DHRS2: variants seen among roughly 807,000 people sequenced by gnomAD.
DHRS2 encodes dehydrogenase/reductase 2.
DHRS2 carries 29 observed loss-of-function variants against 26.3 expected under a neutral mutation model. That is an observed-to-expected ratio of 1.10 (90% CI 0.82 to 1.50). The LOEUF (loss-of-function observed/expected upper bound fraction) is 1.50, where lower values mean the gene tolerates loss of function less well. Among genes scored for constraint, DHRS2 ranks in the 40% most tolerant of loss-of-function variants. The probability of loss-of-function intolerance (pLI) is 0.00; values close to 1 mark genes in which losing one functional copy is unlikely to be tolerated. For missense variants in DHRS2, 439 were observed against 367.1 expected, an observed-to-expected ratio of 1.20 and a Z score of -1.60; for synonymous variants, 164 against 151.3, an observed-to-expected ratio of 1.08 and a Z score of -0.62.
In DHRS2 at chr14:23,644,516, A is replaced by G. The variant is rs548166479; in HGVS notation, c.648A>G (p.Gly216=). The G allele has an allele frequency of 1.9e-6, 3 of 1,614,218 alleles. No individual in the cohort carries two copies. Among genetic ancestry groups the G allele is most frequent in the African/African-American group, 2.7e-5 (2 of 75,048 alleles). Residue 216 remains glycine, a synonymous_variant, in exon 7 of 9, where the codon GGA becomes GGG. Coordinates refer to ENST00000250383, the MANE Select transcript of DHRS2 (RefSeq NM_005794.4). ...KDIRVNCVVP[G]IIKTDFSKVF... is the part of the protein sequence containing the mutation. ...TCCGGGTAAACTGCGTGGTTCCAGG[A>G]ATTATCAAAACTGACTTCAGCAAAG...
At chr14:23,639,920 G>C in intron 4 of DHRS2, 25 bp downstream of exon 4, 2 of 1,535,536 alleles carry the variant, frequency 1.3e-6, no homozygotes, top group Non-Finnish European at 1.8e-6. Context: ...CTGGGGAGGC[G>C]GCTGAGGGCC....
chr14:23,645,474 T>C lies in DHRS2; in HGVS notation c.*221T>C. On this transcript the variant is annotated 3_prime_UTR_variant, in exon 9 of 9. Coordinates refer to ENST00000250383, the MANE Select transcript of DHRS2 (RefSeq NM_005794.4). ...CTGATCCAATTAACATGTGGGGTTC[T>C]TGGTGTGGGTCTGGGGAGCTGAAGG... The C allele has an allele frequency of 1.1e-6, 1 of 897,946 alleles. No homozygotes were observed. The highest frequency in any genetic ancestry group is 1.8e-5 in the South Asian group (1 of 54,374). 55.6% of individuals were successfully genotyped at this position (897,946 alleles called of 1,614,324 possible).
At chr14:23,633,172 C>A (rs145718173), upstream of DHRS2, among the ~76,000 whole-genome samples, 19 of 152,336 alleles carry the variant, frequency 1.2e-4, no homozygotes, top group Non-Finnish European at 2.6e-4. Context: ...TCTCCCATGC[C>A]AGATCCTCTC....
upstream of DHRS2, among the ~76,000 whole-genome samples, chr14:23,635,992 C>T (rs1566696987): frequency 6.6e-6 from 1 of 151,960 alleles, no homozygotes; most frequent in South Asian, 2.1e-4. Flanking sequence ...GCTTCTGGGT[C>T]CGGTGGGGAC....
At position 23,639,797 on chromosome 14, in the gene DHRS2, C is replaced by G; in HGVS notation, c.322C>G (p.Leu108Val). The change falls in exon 4 of 9, where the codon CTG (leucine) becomes GTG (valine). Residue 108 changes from leucine to valine, a missense_variant. By Grantham distance (32) the Leu-to-Val change is conservative (BLOSUM62 1). Coordinates refer to ENST00000250383, the MANE Select transcript of DHRS2 (RefSeq NM_005794.4). ...EDREQLVAKA[L>V]EHCGGVDFLV... is the part of the protein sequence containing the mutation. ...TCATCCAATCTCCTCTCCGCAGGCC[C>G]TGGAGCACTGTGGGGGCGTCGACTT... is the stretch of plus-strand genomic sequence containing the variant. 1.9e-6 allele frequency: 3 copies of G among 1,607,598 alleles called. No homozygotes were observed. The highest frequency in any genetic ancestry group is 1.7e-6 in the Non-Finnish European group (2 of 1,176,612).
rs61747975 is a variant in DHRS2, at chr14:23,639,847, C to T, written c.372C>T (p.Asn124=). The T allele has an allele frequency of 1.9e-6, 3 of 1,610,568 alleles. No homozygotes were observed. Among genetic ancestry groups the T allele is most frequent in the South Asian group, 1.1e-5 (1 of 90,600 alleles). ...VDFLVCSAGV[N]PLVGSTLGTS... is the part of the protein sequence containing the mutation. ...TCCTGGTGTGCAGCGCAGGGGTCAA[C>T]CCTCTGGTAGGGAGCACTCTGGGGA... The change falls in exon 4 of 9, where the codon AAC becomes AAT. Residue 124 remains asparagine, a synonymous_variant. Transcript: ENST00000250383.
intron 3 of DHRS2, 148 bp downstream of exon 3, chr14:23,639,504 T>A: frequency 8.0e-7 from 1 of 1,247,022 alleles, no homozygotes; most frequent in Non-Finnish European, 1.1e-6. Flanking sequence ...ACCCAGAAGG[T>A]CCCTCAGGAA....
chr14:23,641,352 C>T (rs749665968), intron 4 of DHRS2: 5 of 230,356 alleles, frequency 2.2e-5, no homozygotes, highest in Non-Finnish European at 4.3e-5. Flanking sequence ...AAAACCACAT[C>T]ACCTCCATCC....
chr14:23,639,122 A>G, intron 2 of DHRS2, 57 bp from the exon 3 acceptor site: 2 of 1,600,496 alleles, frequency 1.2e-6, no homozygotes, highest in South Asian at 1.1e-5. Flanking sequence ...AGCTGGGTAG[A>G]GGAAGGACAG....
rs114326060 is a variant in DHRS2 at position 23,644,519 on chromosome 14, T to G, written c.651T>G (p.Ile217Met). Residue 217 changes from isoleucine to methionine, a missense_variant, in exon 7 of 9, where the codon ATT becomes ATG. Transcript: ENST00000250383. ...DIRVNCVVPG[I>M]IKTDFSKVFH... ...GGGTAAACTGCGTGGTTCCAGGAAT[T>G]ATCAAAACTGACTTCAGCAAAGTGG... 897 of 1,614,206 alleles carry G rather than the reference T, an allele frequency of 5.6e-4. 5 individuals carry two copies. The African/African-American group carries it at 0.011, about 20-fold the overall frequency.
intron 1 of DHRS2, 59 bp from the exon 2 acceptor site, chr14:23,638,768 A>G: frequency 6.6e-7 from 1 of 1,505,340 alleles, no homozygotes; most frequent in Non-Finnish European, 9.0e-7. Context: ...GGAGGAGGGT[A>G]GATTACCTTC....
intron 5 of DHRS2, 198 bp downstream of exon 5, chr14:23,643,417 T>G (rs1890748976): frequency 1.7e-6 from 1 of 580,930 alleles, no homozygotes; most frequent in Admixed American, 3.0e-5. Flanking sequence ...AGAGTAGTAT[T>G]CCAGGGGCCC....
intron 1 of DHRS2, among the ~76,000 whole-genome samples, chr14:23,631,242 T>C (rs983911619): frequency 6.6e-6 from 1 of 152,180 alleles, no homozygotes; most frequent in Non-Finnish European, 1.5e-5. Context: ...TGGTATCTTA[T>C]TGCTAAAAGT....
upstream of DHRS2, among the ~76,000 whole-genome samples, chr14:23,632,140 A>T (rs917246099): frequency 1.3e-5 from 2 of 152,184 alleles, no homozygotes; most frequent in Admixed American, 6.5e-5. Flanking sequence ...TCCTGTCCCG[A>T]CAAAAGGCGA....
chr14:23,640,044 C>T, intron 4 of DHRS2, 149 bp downstream of exon 4: 1 of 766,210 alleles, frequency 1.3e-6, no homozygotes, highest in Non-Finnish European at 1.8e-6. Context: ...GGCCAGCTGT[C>T]TCCCAAAATG....
Position 23,636,717 on chromosome 14 carries a change from A to G in DHRS2, c.-94A>G, listed in dbSNP as rs1457665368. The stretch of plus-strand genomic sequence containing the variant: ...GAGACTATTGCCAAGCAGTGAGACT[A>G]TTGCCAAGTGGTGAGACCATCACCA... On this transcript the variant is annotated 5_prime_UTR_variant, in exon 1 of 9. Coordinates refer to ENST00000250383, the MANE Select transcript of DHRS2 (RefSeq NM_005794.4). 6.6e-6 allele frequency: 1 copy of G among 151,026 alleles called. No individual in the cohort carries two copies. The highest frequency in any genetic ancestry group is 1.5e-5 in the Non-Finnish European group (1 of 67,068). The allele number at this position is 151,026 out of a possible 1,614,324, so 9.4% of individuals were successfully genotyped here. A position where few individuals can be genotyped will look rare whatever the true frequency, so the allele number is the denominator to read the frequency against.
rs1594243896 is a variant in DHRS2, at chr14:23,639,890, G to A, written c.415G>A (p.Asp139Asn). ...STLGTSEQIWDKILSVNVKSP... is the reference protein window; with the variant it reads ...STLGTSEQIWNKILSVNVKSP... ...TCTGGGGACCAGTGAGCAGATCTGGGACAAGGTGAGAGGCCTCCCCTGGGG... is the reference window on the plus strand; with the variant it reads ...TCTGGGGACCAGTGAGCAGATCTGGAACAAGGTGAGAGGCCTCCCCTGGGG... The change falls in exon 4 of 9, where the codon GAC (aspartate) becomes AAC (asparagine). Residue 139 changes from aspartate (D) to asparagine (N), a missense_variant. Asp to Asn is a conservative substitution (Grantham distance 23). Coordinates refer to ENST00000250383, the MANE Select transcript of DHRS2 (RefSeq NM_005794.4). 13 of 1,600,218 alleles carry A rather than the reference G, an allele frequency of 8.1e-6. No individual in the cohort carries two copies. In the East Asian group the frequency reaches 3.0e-4, roughly 37 times the overall value.
chr14:23,636,696 C>G lies in DHRS2; in HGVS notation c.-115C>G, dbSNP rs222730. The G allele has an allele frequency of 6.6e-6, 1 of 152,294 alleles. No homozygotes were observed. The highest frequency in any genetic ancestry group is 2.1e-4 in the South Asian group (1 of 4,812). 9.4% of individuals were successfully genotyped at this position (152,294 alleles called of 1,614,324 possible). A position where few individuals can be genotyped will look rare whatever the true frequency, so the allele number is the denominator to read the frequency against. The stretch of plus-strand genomic sequence containing the variant: ...TGTCACCTATCACCAAGTGGTGAGA[C>G]TATTGCCAAGCAGTGAGACTATTGC... On this transcript the variant is annotated 5_prime_UTR_variant, in exon 1 of 9. Coordinates refer to ENST00000250383, the MANE Select transcript of DHRS2 (RefSeq NM_005794.4).
At chr14:23,642,655 C>T (rs1396094809) in intron 4 of DHRS2, 1 of 156,850 alleles carries the variant, frequency 6.4e-6, no homozygotes, top group African/African-American at 2.4e-5. Context: ...CAGCTTCAAA[C>T]TCCTGGGCTT....
Sources: gnomAD v4.1 joint callset for allele counts (sites outside exome capture counted in the v4.1 genomes callset) on GRCh38, gnomAD v4.1.1 for gene constraint, MANE v1.5 for transcripts, NCBI Gene and HGNC (gene_info 2026-07-23, HGNC 2026-07-21) for gene names.